ARHGEF18: variants seen among roughly 807,000 people sequenced by gnomAD.
ARHGEF18 encodes the protein rho guanine nucleotide exchange factor 18.
ARHGEF18 carries 93 observed loss-of-function variants against 155.7 expected under a neutral mutation model. That is an observed-to-expected ratio of 0.60 (90% CI 0.50 to 0.71). The LOEUF (loss-of-function observed/expected upper bound fraction) is 0.71, where lower values mean the gene tolerates loss of function less well. ARHGEF18 is among the 30% of genes least tolerant of loss of function. The pLI, the probability that ARHGEF18 is intolerant of heterozygous loss-of-function variation, is 0.00. For missense variants in ARHGEF18, 1,593 were observed against 1,816.1 expected (o/e 0.88, Z 2.23); for synonymous variants, 742 against 753.1 (o/e 0.99, Z 0.24).
At chr19:7,358,277 C>G (rs1016479964) in intron 1 of ARHGEF18, among the ~76,000 whole-genome samples, 2 of 150,120 alleles carry the variant, frequency 1.3e-5, no homozygotes, top group African/African-American at 5.0e-5. Context: ...ATTCTTCCAT[C>G]CATCCATCCA....
intron 10 of ARHGEF18, among the ~76,000 whole-genome samples, chr19:7,404,328 C>T (rs917991664): frequency 9.2e-5 from 14 of 151,910 alleles, no homozygotes; most frequent in Admixed American, 6.6e-5. Flanking sequence ...TCTCGGGCTG[C>T]GTTCTCTGTT....
At chr19:7,438,644 C>CA (rs1974425228) in intron 10 of ARHGEF18, among the ~76,000 whole-genome samples, 2 of 152,126 alleles carry the variant, frequency 1.3e-5, no homozygotes, top group Non-Finnish European at 2.9e-5. Flanking sequence ...CTCCCCATCT[C>CA]AGGTGATCCA....
At chr19:7,374,947 C>T (rs975478126) in intron 3 of ARHGEF18, among the ~76,000 whole-genome samples, 19 of 152,202 alleles carry the variant, frequency 1.2e-4, no homozygotes, top group African/African-American at 3.1e-4. Flanking sequence ...ACCCCTAACC[C>T]GTGTCCCTCA....
intron 14 of ARHGEF18, 132 bp from the exon 15 acceptor site, chr19:7,446,911 A>AT: frequency 8.2e-6 from 7 of 856,808 alleles, no homozygotes; most frequent in Non-Finnish European, 1.1e-5. Context: ...AAAAAAAAAA[A>AT]GAAGAAGAAA....
intron 10 of ARHGEF18, among the ~76,000 whole-genome samples, chr19:7,394,286 T>C (rs1971554405): frequency 6.6e-6 from 1 of 152,062 alleles, no homozygotes; most frequent in South Asian, 2.1e-4. Flanking sequence ...GATGGGGTCT[T>C]GCTATGTTGC....
chr19:7,358,231 A>ATCCATCCATCCC lies in ARHGEF18; in HGVS notation c.-110-4539_-110-4538insCTCCATCCATCC, dbSNP rs1474855383. 5.9e-3 allele frequency among the ~76,000 whole-genome samples: 880 copies of ATCCATCCATCCC among 149,128 alleles called. 11 individuals are homozygous for ATCCATCCATCCC. The highest frequency in any genetic ancestry group is 5.8e-3 in the Non-Finnish European group (389 of 67,540). ...CATCCATCCTTCCATCCATCCATCC[A>ATCCATCCATCCC]TCCATCCATCCACCCATCCACCCAT... On this transcript the variant is annotated intron_variant, in intron 1 of 28. Coordinates refer to ENST00000668164, the MANE Select transcript of ARHGEF18 (RefSeq NM_001367823.1).
Position 7,395,357 on chromosome 19 carries a change from C to T in ARHGEF18, c.967+12154C>T. 1.0e-6 allele frequency: 1 copy of T among 971,466 alleles called. No individual in the cohort carries two copies. Among genetic ancestry groups the T allele is most frequent in the Non-Finnish European group, 1.2e-6 (1 of 817,194 alleles). The allele number at this position is 971,466 out of a possible 1,614,324, so 60.2% of individuals were successfully genotyped here. ...GGACCCCCGGGGCTGCCTCGGGCCT[C>T]CCGCCGGCTCCTGGGGGACTTCTCC... is the stretch of plus-strand genomic sequence containing the variant. On this transcript the variant is annotated intron_variant, in intron 10 of 28. Coordinates refer to ENST00000668164, the MANE Select transcript of ARHGEF18 (RefSeq NM_001367823.1). The surrounding 1 kb of genome is among the most constrained non-coding windows in gnomAD (Gnocchi z 5.0).
At chr19:7,450,289 CTTTCT>C (rs1568347192) in intron 15 of ARHGEF18, among the ~76,000 whole-genome samples, 56 of 8,230 alleles carry the variant, frequency 6.8e-3, no homozygotes, top group Admixed American at 0.049. Context: ...TGGGATCTTG[CTTTCT>C]GTTTCCATTT....
At chr19:7,400,016 C>T (rs1971951402) in intron 10 of ARHGEF18, among the ~76,000 whole-genome samples, 1 of 152,086 alleles carries the variant, frequency 6.6e-6, no homozygotes, top group South Asian at 2.1e-4. Context: ...AGCGATCCTC[C>T]TACCTTTGTC....
chr19:7,460,551 AC>A (rs1976159250), intron 20 of ARHGEF18, among the ~76,000 whole-genome samples: 1 of 133,516 alleles, frequency 7.5e-6, no homozygotes, highest in South Asian at 2.4e-4. Flanking sequence ...GTCACTCCCC[AC>A]CCCATGCCCC....
At chr19:7,477,461 A>G, downstream of ARHGEF18, 1 of 1,402,340 alleles carries the variant, frequency 7.1e-7, no homozygotes, top group Non-Finnish European at 9.3e-7. Flanking sequence ...GGGGCCGCTT[A>G]CACTCACGCT....
chr19:7,352,322 T>A (rs899589402), intron 1 of ARHGEF18, among the ~76,000 whole-genome samples: 13 of 151,638 alleles, frequency 8.6e-5, no homozygotes, highest in Admixed American at 6.6e-5. Flanking sequence ...GCTCCTAGGG[T>A]GTAGTCTTTT....
chr19:7,362,089 GAGA>G (rs1469232833), intron 1 of ARHGEF18, among the ~76,000 whole-genome samples: 3 of 37,316 alleles, frequency 8.0e-5, no homozygotes, highest in East Asian at 7.8e-4. Flanking sequence ...GAAGGAGAAG[GAGA>G]AGGAGAAGGA....
intron 1 of ARHGEF18, among the ~76,000 whole-genome samples, chr19:7,352,531 CTTTTTT>C (rs35219215): frequency 1.1e-5 from 1 of 93,188 alleles, no homozygotes; most frequent in Non-Finnish European, 1.9e-5. Flanking sequence ...CCTAGGTTTC[CTTTTTT>C]TTTTTTTTTT....
rs1568364278 is a variant in ARHGEF18 at position 7,464,644 on chromosome 19, T to A, written c.2858T>A (p.Leu953His). The change falls in exon 23 of 29, where the codon CTC becomes CAC. Residue 953 changes from leucine to histidine, a missense_variant. Coordinates refer to ENST00000668164, the MANE Select transcript of ARHGEF18 (RefSeq NM_001367823.1). ...RGPPNSPDLKLSDSDIPGSSE... is the reference protein window; with the variant it reads ...RGPPNSPDLKHSDSDIPGSSE... ...CCCCCAAACAGCCCGGACTTGAAGC[T>A]CAGTGACAGTGACATTCCTGGGAGC... The A allele has an allele frequency of 1.2e-6, 2 of 1,613,918 alleles. No individual in the cohort carries two copies. Among genetic ancestry groups the A allele is most frequent in the South Asian group, 2.2e-5 (2 of 91,070 alleles).
intron 15 of ARHGEF18, among the ~76,000 whole-genome samples, chr19:7,450,704 G>A (rs1600489156): frequency 9.3e-6 from 1 of 107,218 alleles, no homozygotes; most frequent in Non-Finnish European, 1.9e-5. Context: ...GTCCGTTTCC[G>A]AGATGTTAAT....
chr19:7,439,085 T>G (rs1974458731), intron 10 of ARHGEF18, among the ~76,000 whole-genome samples: 1 of 151,596 alleles, frequency 6.6e-6, no homozygotes, highest in Admixed American at 6.6e-5. Flanking sequence ...AGACGGGGGT[T>G]TCCTGGCCAG....
At chr19:7,354,989 C>A (rs1037219172) in intron 1 of ARHGEF18, among the ~76,000 whole-genome samples, 17 of 151,950 alleles carry the variant, frequency 1.1e-4, no homozygotes, top group Admixed American at 1.3e-4. Context: ...AAAACCACCT[C>A]ATAGATACTA....
chr19:7,479,767 A>G, the ARHGEF18 span, among the ~76,000 whole-genome samples: 1 of 152,364 alleles, frequency 6.6e-6, no homozygotes, highest in East Asian at 1.9e-4. Context: ...TCAGTGTCCA[A>G]ACCCATAGGA....
Sources: allele counts gnomAD v4.1 joint callset (sites outside exome capture counted in the v4.1 genomes callset), GRCh38; gene constraint gnomAD v4.1.1; non-coding constraint Gnocchi (gnomAD v3.1); transcripts MANE v1.5; gene names NCBI Gene and HGNC (gene_info 2026-07-23, HGNC 2026-07-21).